CAMK2A: variants seen among roughly 807,000 people sequenced by gnomAD.
The protein encoded by CAMK2A is calcium/calmodulin-dependent protein kinase type II subunit alpha.
Under a neutral mutation model 79.2 loss-of-function variants are expected in CAMK2A, and 7 were observed. That is an observed-to-expected ratio of 0.09 (90% CI 0.05 to 0.17). The LOEUF (loss-of-function observed/expected upper bound fraction) is 0.17. CAMK2A is among the 10% of genes least tolerant of loss of function. CAMK2A has a pLI of 1.00. For synonymous variants in CAMK2A, 242 were observed against 251.7 expected (o/e 0.96, Z 0.36); for missense variants, 214 against 646.4 (o/e 0.33, Z 7.25).
At position 150,238,624 on chromosome 5, in the gene CAMK2A, C is replaced by T. The variant is rs369393719; in HGVS notation, c.1066+76G>A. 659 of 1,371,594 alleles carry T rather than the reference C, an allele frequency of 4.8e-4. 7 individuals carry two copies. In the South Asian group the frequency reaches 6.7e-3, roughly 14 times the overall value. The allele number at this position is 1,371,594 out of a possible 1,614,324, so 85.0% of individuals were successfully genotyped here. A position where few individuals can be genotyped will look rare whatever the true frequency, so the allele number is the denominator to read the frequency against. On this transcript the variant is annotated intron_variant, in intron 15 of 18. Coordinates refer to ENST00000671881, the MANE Select transcript of CAMK2A (RefSeq NM_015981.4). ...AAGAAATGAGGTTGGCACGTGGGAGCTGTCAGGAAAAAGAGGTCTGCTCAG... is the reference window on the plus strand; with the variant it reads ...AAGAAATGAGGTTGGCACGTGGGAGTTGTCAGGAAAAAGAGGTCTGCTCAG...
chr5:150,222,982 T>C lies in CAMK2A; in HGVS notation c.1466+7A>G. 1 of 1,612,264 alleles carries C rather than the reference T, an allele frequency of 6.2e-7. No homozygotes were observed. Among genetic ancestry groups the C allele is most frequent in the Non-Finnish European group, 8.5e-7 (1 of 1,178,390 alleles). ...TACCCTGGGAGGCAGGAAGGAGGGATTCTTACTGGGGCAGGACGGAGGGCG... is the reference window on the plus strand; with the variant it reads ...TACCCTGGGAGGCAGGAAGGAGGGACTCTTACTGGGGCAGGACGGAGGGCG... On this transcript the variant is annotated splice_region_variant and intron_variant, in intron 18 of 18. Coordinates refer to ENST00000671881, the MANE Select transcript of CAMK2A (RefSeq NM_015981.4).
At chr5:150,253,048 G>A (rs1755899656) in intron 7 of CAMK2A, among the ~76,000 whole-genome samples, 1 of 152,218 alleles carries the variant, frequency 6.6e-6, no homozygotes, top group Non-Finnish European at 1.5e-5. Context: ...CCTTCTGCAA[G>A]TTTTCTGCCA....
intron 13 of CAMK2A, among the ~76,000 whole-genome samples, chr5:150,240,257 G>C (rs969513198): frequency 6.6e-6 from 1 of 152,210 alleles, no homozygotes; most frequent in African/African-American, 2.4e-5. Flanking sequence ...GGTCCCCTCT[G>C]AGGAGTTTGA....
chr5:150,284,685 C>T lies in CAMK2A; in HGVS notation c.62+4879G>A, dbSNP rs1757351790. Among the ~76,000 whole-genome samples the T allele has an allele frequency of 6.6e-6, 1 of 152,174 alleles. No homozygotes were observed. Among genetic ancestry groups the T allele is most frequent in the African/African-American group, 2.4e-5 (1 of 41,452 alleles). ...CTGCCACCCTTTCCTTGAGGTCCTGCCCCTCAATTTCCCATCCTTTGGCCT... is the reference window on the plus strand; with the variant it reads ...CTGCCACCCTTTCCTTGAGGTCCTGTCCCTCAATTTCCCATCCTTTGGCCT... On this transcript the variant is annotated intron_variant, in intron 1 of 18. Coordinates refer to ENST00000671881, the MANE Select transcript of CAMK2A (RefSeq NM_015981.4). This position sits in a 1 kb window ranked among gnomAD's most constrained non-coding sequence, Gnocchi z 5.3.
At chr5:150,257,050 C>T (rs995575151) in intron 4 of CAMK2A, among the ~76,000 whole-genome samples, 3 of 152,184 alleles carry the variant, frequency 2.0e-5, no homozygotes, top group Admixed American at 6.5e-5. Flanking sequence ...CCTCCATCCC[C>T]GGCCCTTCTT....
In CAMK2A at chr5:150,256,131, C is replaced by T. The variant is rs1334319507; in HGVS notation, c.411+442G>A. Among the ~76,000 whole-genome samples, 3 of 152,186 alleles carry T rather than the reference C, an allele frequency of 2.0e-5. No individual in the cohort carries two copies. Among genetic ancestry groups the T allele is most frequent in the African/African-American group, 4.8e-5 (2 of 41,448 alleles). On this transcript the variant is annotated intron_variant, in intron 6 of 18. Coordinates refer to ENST00000671881, the MANE Select transcript of CAMK2A (RefSeq NM_015981.4). The surrounding 1 kb of genome is among the most constrained non-coding windows in gnomAD (Gnocchi z 4.6). ...AAGAATGCATCTGTATACCAGGCCC[C>T]GTGCTATCTCATTTCATATCCTCAC...
chr5:150,266,435 G>A (rs770472299), intron 2 of CAMK2A, among the ~76,000 whole-genome samples: 6 of 152,236 alleles, frequency 3.9e-5, no homozygotes, highest in African/African-American at 1.2e-4. Flanking sequence ...GGTAGTTAAC[G>A]CCTTAATTTA....
intron 11 of CAMK2A, among the ~76,000 whole-genome samples, chr5:150,248,251 A>G (rs894826592): frequency 6.7e-5 from 10 of 150,060 alleles, no homozygotes; most frequent in Non-Finnish European, 1.5e-4. Context: ...GGACTAGCTC[A>G]TCCCTCCATG....
chr5:150,277,851 A>G (rs1757017211), intron 1 of CAMK2A, among the ~76,000 whole-genome samples: 2 of 152,202 alleles, frequency 1.3e-5, no homozygotes, highest in African/African-American at 2.4e-5. Flanking sequence ...CAATCCTGTG[A>G]AGTTGGAATT....
Position 150,289,720 on chromosome 5 carries a change from C to CG in CAMK2A, c.-96dup. ...CGAACCTAGGGACCACTTGCCTGCC[C>CG]GTGCTGCCGAGTGCAAACAGAGAAC... On this transcript the variant is annotated 5_prime_UTR_variant, in exon 1 of 19. Transcript: ENST00000671881. 1.0e-6 allele frequency: 1 copy of CG among 979,962 alleles called. No individual in the cohort carries two copies. The highest frequency in any genetic ancestry group is 1.6e-6 in the Non-Finnish European group (1 of 635,140). The allele number at this position is 979,962 out of a possible 1,614,324, so 60.7% of individuals were successfully genotyped here.
chr5:150,263,367 C>T (rs1756372829), intron 3 of CAMK2A, among the ~76,000 whole-genome samples: 2 of 151,944 alleles, frequency 1.3e-5, no homozygotes, highest in South Asian at 2.1e-4. Flanking sequence ...CACACACTCA[C>T]ATACATGCAC....
intron 1 of CAMK2A, among the ~76,000 whole-genome samples, chr5:150,282,532 C>T (rs903024368): frequency 1.3e-5 from 2 of 152,204 alleles, no homozygotes; most frequent in African/African-American, 2.4e-5. Flanking sequence ...GAGGTCCAAG[C>T]GTCAAAGAGA....
chr5:150,236,002 T>C (rs1251845199), intron 15 of CAMK2A, among the ~76,000 whole-genome samples: 1 of 151,926 alleles, frequency 6.6e-6, no homozygotes, highest in Non-Finnish European at 1.5e-5. Context: ...GGAAACAGGG[T>C]CCCAGTCCTA....
intron 3 of CAMK2A, among the ~76,000 whole-genome samples, chr5:150,264,259 G>A (rs988568697): frequency 6.6e-6 from 1 of 152,226 alleles, no homozygotes; most frequent in Non-Finnish European, 1.5e-5. Flanking sequence ...ATGGGGGGAA[G>A]TGATTCAGAG....
At chr5:150,258,409 C>CTGGCTCAGTGAA (rs1453248291) in intron 3 of CAMK2A, among the ~76,000 whole-genome samples, 1 of 152,202 alleles carries the variant, frequency 6.6e-6, no homozygotes, top group Admixed American at 6.5e-5. Context: ...CAGGGGCGTG[C>CTGGCTCAGTGAA]TGGCTCAGTG....
chr5:150,220,186 G>A lies in CAMK2A; in HGVS notation c.*2524C>T, dbSNP rs1372084027. 2 of 152,370 alleles carry A rather than the reference G, an allele frequency of 1.3e-5. No homozygotes were observed. The highest frequency in any genetic ancestry group is 4.8e-5 in the African/African-American group (2 of 41,452). 9.4% of individuals were successfully genotyped at this position (152,370 alleles called of 1,614,324 possible). ...AGGCTCCTCCAGCTCAGTTTCCTCT[G>A]GCAGGGAAACCAAGCTCCAAAGAGG... On this transcript the variant is annotated 3_prime_UTR_variant, in exon 19 of 19. Coordinates refer to ENST00000671881, the MANE Select transcript of CAMK2A (RefSeq NM_015981.4).
In CAMK2A at chr5:150,238,754, A is replaced by C. The variant is rs1003062996; in HGVS notation, c.1018-6T>G. The C allele has an allele frequency of 1.9e-6, 3 of 1,603,234 alleles. No individual in the cohort carries two copies. In the African/African-American group the frequency reaches 4.0e-5, roughly 21 times the overall value. On this transcript the variant is annotated splice_region_variant and splice_polypyrimidine_tract_variant and intron_variant, in intron 14 of 18. Coordinates refer to ENST00000671881, the MANE Select transcript of CAMK2A (RefSeq NM_015981.4). ...TTGGTGCTCTCTGAGGATTCCTGCC[A>C]AAGAGAATACAGGAGATGGTGAGGC... is the stretch of plus-strand genomic sequence containing the variant.
intron 17 of CAMK2A, among the ~76,000 whole-genome samples, chr5:150,224,330 C>T (rs1754491712): frequency 6.6e-6 from 1 of 152,218 alleles, no homozygotes; most frequent in East Asian, 1.9e-4. Context: ...ATGTGAGGTG[C>T]TGACTTAAAA....
chr5:150,267,873 G>GC (rs1467947860), intron 2 of CAMK2A, among the ~76,000 whole-genome samples: 1 of 144,458 alleles, frequency 6.9e-6, no homozygotes, highest in Admixed American at 6.9e-5. Flanking sequence ...CAGCCAAGGA[G>GC]CTTTTTTTTT....
Sources: gnomAD v4.1 joint callset for allele counts (sites outside exome capture counted in the v4.1 genomes callset) on GRCh38, gnomAD v4.1.1 for gene constraint, Gnocchi (gnomAD v3.1) non-coding constraint, MANE v1.5 for transcripts, NCBI Gene and HGNC (gene_info 2026-07-23, HGNC 2026-07-21) for gene names.